The following ARL13B variants were observed in gnomAD, a reference collection of about 807,000 sequenced individuals.
The protein encoded by ARL13B is ADP-ribosylation factor-like protein 13B.
Under a neutral mutation model 56.1 loss-of-function variants are expected in ARL13B, and 36 were observed. The observed-to-expected ratio is 0.64, with a 90% confidence interval of 0.49 to 0.85. ARL13B has a LOEUF of 0.85. Among genes scored for constraint, ARL13B ranks in the 40% least tolerant of loss-of-function variants. ARL13B has a pLI of 0.00. For synonymous variants in ARL13B, 178 were observed against 171.1 expected (o/e 1.04, Z -0.32); for missense variants, 519 against 507.1 (o/e 1.02, Z -0.23).
chr3:94,014,622 G>C, intron 3 of ARL13B: 1 of 1,613,424 alleles, frequency 6.2e-7, no homozygotes, highest in Non-Finnish European at 8.5e-7. Context: ...CAAGTTCCTT[G>C]TGTCTCTGTT....
chr3:93,989,256 A>C (rs1016303222), intron 1 of ARL13B, among the ~76,000 whole-genome samples: 1 of 152,170 alleles, frequency 6.6e-6, no homozygotes, highest in African/African-American at 2.4e-5. Flanking sequence ...ATGTATTTTA[A>C]TTTTACTTAG....
chr3:94,050,933 G>A (rs1189527617), intron 9 of ARL13B, 41 bp downstream of exon 9: 4 of 1,567,116 alleles, frequency 2.6e-6, no homozygotes, highest in South Asian at 1.1e-5. Flanking sequence ...ATCTGTACAT[G>A]TCACATTCAC....
At chr3:94,043,331 C>A in intron 7 of ARL13B, 91 bp downstream of exon 7, 1 of 1,153,962 alleles carries the variant, frequency 8.7e-7, no homozygotes, top group Non-Finnish European at 1.2e-6. Flanking sequence ...TTTTTACAAA[C>A]GAGTACTTCA....
intron 1 of ARL13B, among the ~76,000 whole-genome samples, chr3:93,985,371 A>G (rs1243889973): frequency 6.6e-6 from 1 of 152,148 alleles, no homozygotes; most frequent in Non-Finnish European, 1.5e-5. Context: ...AGTGCATGTA[A>G]AATATAATGA....
At chr3:94,031,418 G>T (rs568724798) in intron 3 of ARL13B, among the ~76,000 whole-genome samples, 1 of 151,954 alleles carries the variant, frequency 6.6e-6, no homozygotes, top group African/African-American at 2.4e-5. Flanking sequence ...CCACTGAAAA[G>T]ATCAAGGCTT....
intron 9 of ARL13B, among the ~76,000 whole-genome samples, chr3:94,052,336 C>A (rs1044841919): frequency 6.6e-6 from 1 of 152,080 alleles, no homozygotes; most frequent in African/African-American, 2.4e-5. Flanking sequence ...GAGGACAATT[C>A]TTCAGCTTAC....
intron 2 of ARL13B, among the ~76,000 whole-genome samples, chr3:93,999,883 A>G (rs573281787): frequency 3.8e-4 from 58 of 152,310 alleles, no homozygotes; most frequent in African/African-American, 1.4e-3. Flanking sequence ...GTAGTCTAGG[A>G]CTGGTTTGTC....
chr3:93,985,745 C>G (rs1201478053), intron 1 of ARL13B, among the ~76,000 whole-genome samples: 2 of 152,104 alleles, frequency 1.3e-5, no homozygotes, highest in Non-Finnish European at 2.9e-5. Flanking sequence ...ATTCATCTCC[C>G]ACCATTCTTC....
intron 6 of ARL13B, 35 bp downstream of exon 6, chr3:94,040,023 AAGTTATAAG>A: frequency 1.3e-6 from 2 of 1,581,926 alleles, no homozygotes; most frequent in South Asian, 2.3e-5. Flanking sequence ...TTTGTATCTT[AAGTTATAAG>A]TTGGAACTTG....
chr3:93,998,597 C>G (rs1405768697), intron 2 of ARL13B, among the ~76,000 whole-genome samples: 1 of 152,114 alleles, frequency 6.6e-6, no homozygotes, highest in African/African-American at 2.4e-5. Flanking sequence ...GAGAGAATAT[C>G]TACTGATGTT....
chr3:94,035,486 G>A (rs2107112904), intron 4 of ARL13B, 50 bp downstream of exon 4: 1 of 1,289,246 alleles, frequency 7.8e-7, no homozygotes, highest in Non-Finnish European at 1.1e-6. Context: ...CTTTCAAATA[G>A]GTTCAGTATA....
chr3:94,008,912 A>G, intron 3 of ARL13B, among the ~76,000 whole-genome samples: 1 of 152,126 alleles, frequency 6.6e-6, no homozygotes. Context: ...CACAAATTGA[A>G]TGATTACAGC....
At chr3:94,014,909 CCT>C in intron 3 of ARL13B, 1 of 1,613,386 alleles carries the variant, frequency 6.2e-7, no homozygotes, top group Non-Finnish European at 8.5e-7. Context: ...CCATTTTCAA[CCT>C]CTGACTTTTT....
intron 3 of ARL13B, chr3:94,015,122 GTC>G (rs2076303550): frequency 1.2e-6 from 2 of 1,613,920 alleles, no homozygotes; most frequent in African/African-American, 1.3e-5. Context: ...TCATGTAGGT[GTC>G]TCTCAGCTAC....
At chr3:94,010,433 A>G (rs907384259) in intron 3 of ARL13B, among the ~76,000 whole-genome samples, 14 of 152,134 alleles carry the variant, frequency 9.2e-5, no homozygotes, top group African/African-American at 3.4e-4. Context: ...TAATTACAGA[A>G]AATGGCACAG....
At chr3:94,015,113 C>T in intron 3 of ARL13B, 1 of 1,613,832 alleles carries the variant, frequency 6.2e-7, no homozygotes, top group Non-Finnish European at 8.5e-7. Flanking sequence ...TTTTGGATTT[C>T]ATGTAGGTGT....
At chr3:93,988,736 T>G (rs193255473) in intron 1 of ARL13B, 570 of 449,264 alleles carry the variant, frequency 1.3e-3, no homozygotes, top group African/African-American at 0.011. Context: ...GTTTCTTGGT[T>G]AGCCACTTTG....
chr3:94,055,581 G>T lies in ARL13B; in HGVS notation c.*2318G>T, dbSNP rs571764907. ...GATATGTTTTTATGTATTTAAAAGA[G>T]GCTCTTGTGTGCCTTTATGTGTAAA... On this transcript the variant is annotated 3_prime_UTR_variant, in exon 10 of 10. Coordinates refer to ENST00000394222, the MANE Select transcript of ARL13B (RefSeq NM_001174150.2). 137 of 453,836 alleles carry T rather than the reference G, an allele frequency of 3.0e-4. No homozygotes were observed. Among genetic ancestry groups the T allele is most frequent in the African/African-American group, 2.7e-3 (133 of 50,058 alleles). The allele number at this position is 453,836 out of a possible 1,614,324, so 28.1% of individuals were successfully genotyped here. A position where few individuals can be genotyped will look rare whatever the true frequency, so the allele number is the denominator to read the frequency against.
chr3:94,015,278 T>G (rs1269622187), intron 3 of ARL13B: 2 of 1,519,662 alleles, frequency 1.3e-6, no homozygotes, highest in Non-Finnish European at 1.8e-6. Flanking sequence ...ATCTTCCCTT[T>G]CCTCCTAAGA....
Sources: allele counts gnomAD v4.1 joint callset (sites outside exome capture counted in the v4.1 genomes callset), GRCh38; gene constraint gnomAD v4.1.1; transcripts MANE v1.5; gene names NCBI Gene and HGNC (gene_info 2026-07-23, HGNC 2026-07-21).